TIAM2: variants seen among roughly 807,000 people sequenced by gnomAD.
TIAM2 encodes TIAM Rac1 associated GEF 2, also known as rho guanine nucleotide exchange factor TIAM2.
Under a neutral mutation model 152.9 loss-of-function variants are expected in TIAM2, and 80 were observed. That is an observed-to-expected ratio of 0.52 (90% CI 0.44 to 0.63). TIAM2 has a LOEUF of 0.63. TIAM2 is among the 30% of genes least tolerant of loss of function. The pLI is 0.00. For synonymous variants in TIAM2, 804 were observed against 838.0 expected (o/e 0.96, Z 0.70); for missense variants, 1,965 against 2,120.1 (o/e 0.93, Z 1.44).
chr6:154,997,956 C>T (rs889416876), intron 1 of TIAM2, among the ~76,000 whole-genome samples: 16 of 151,984 alleles, frequency 1.1e-4, no homozygotes, highest in African/African-American at 2.7e-4. Context: ...TTACTTCTCA[C>T]GAACTCTAGA....
At chr6:155,242,214 A>G (rs911780285) in intron 16 of TIAM2, among the ~76,000 whole-genome samples, 4 of 152,242 alleles carry the variant, frequency 2.6e-5, no homozygotes, top group Admixed American at 2.6e-4. Flanking sequence ...AGGCAGCACC[A>G]GCCTGTGAGG....
intron 14 of TIAM2, among the ~76,000 whole-genome samples, chr6:155,202,808 T>A (rs559199017): frequency 1.2e-4 from 17 of 144,540 alleles, no homozygotes; most frequent in African/African-American, 3.6e-4. Flanking sequence ...GAGGCTGAGG[T>A]GGGTGGATCA....
chr6:155,183,559 G>T, intron 14 of TIAM2, 59 bp downstream of exon 14: 2 of 1,525,482 alleles, frequency 1.3e-6, no homozygotes, highest in Admixed American at 2.2e-5. Flanking sequence ...ATATTTTTAG[G>T]CTGTAATTTT....
intron 9 of TIAM2, among the ~76,000 whole-genome samples, chr6:155,168,337 A>C (rs746468555): frequency 6.6e-6 from 1 of 152,098 alleles, no homozygotes; most frequent in Non-Finnish European, 1.5e-5. Flanking sequence ...GGTTAAAAGC[A>C]TATCAAGAAT....
At position 155,134,746 on chromosome 6, in the gene TIAM2, C is replaced by T. The variant is rs536162736; in HGVS notation, c.1195-2431C>T. On this transcript the variant is annotated intron_variant, in intron 4 of 26. Coordinates refer to ENST00000682666, the MANE Select transcript of TIAM2 (RefSeq NM_012454.4). ...TTTGAGACAGAGTCTCGCTCTGTCGCCGAGGCTGGAGTGCAGTGGCGTGAT... is the reference window on the plus strand; with the variant it reads ...TTTGAGACAGAGTCTCGCTCTGTCGTCGAGGCTGGAGTGCAGTGGCGTGAT... 2.0e-5 allele frequency among the ~76,000 whole-genome samples: 3 copies of T among 152,060 alleles called. No individual in the cohort carries two copies. The East Asian group carries it at 5.8e-4, about 30-fold the overall frequency.
chr6:155,182,428 G>T (rs1780925513), intron 13 of TIAM2, 110 bp downstream of exon 13: 1 of 944,460 alleles, frequency 1.1e-6, no homozygotes, highest in East Asian at 2.5e-5. Flanking sequence ...GTTGCTCCTG[G>T]AATTTTAAAG....
intron 14 of TIAM2, among the ~76,000 whole-genome samples, chr6:155,200,055 C>T (rs996150998): frequency 2.6e-5 from 4 of 151,940 alleles, no homozygotes; most frequent in African/African-American, 9.7e-5. Context: ...ATTTTAACTG[C>T]TTTTTTTTCC....
intron 14 of TIAM2, among the ~76,000 whole-genome samples, chr6:155,184,846 A>G (rs1156372820): frequency 2.6e-5 from 4 of 152,218 alleles, no homozygotes; most frequent in Non-Finnish European, 5.9e-5. Flanking sequence ...ATAAAAGTGA[A>G]TGTCATAAAA....
chr6:155,185,121 AC>A (rs1781006631), intron 14 of TIAM2, among the ~76,000 whole-genome samples: 1 of 102,774 alleles, frequency 9.7e-6, no homozygotes, highest in Admixed American at 1.1e-4. Context: ...GGGCAAATTT[AC>A]CTTTTTTTTT....
intron 1 of TIAM2, chr6:155,005,421 C>A (rs1778382767): frequency 6.5e-6 from 1 of 153,670 alleles, no homozygotes; most frequent in South Asian, 2.0e-4. Flanking sequence ...CTCACTGCAA[C>A]CTCCACCTCC....
intron 1 of TIAM2, among the ~76,000 whole-genome samples, chr6:155,082,876 G>A (rs1778098016): frequency 6.6e-6 from 1 of 152,022 alleles, no homozygotes; most frequent in African/African-American, 2.4e-5. Context: ...CTGACAGATG[G>A]TGAGGGATAT....
At chr6:155,183,133 G>A in intron 13 of TIAM2, 104 bp from the exon 14 acceptor site, 5 of 1,420,832 alleles carry the variant, frequency 3.5e-6, no homozygotes, top group Non-Finnish European at 4.8e-6. Flanking sequence ...AAACAAAACA[G>A]TCCCTACGAG....
At chr6:155,249,757 C>T in intron 20 of TIAM2, 94 bp from the exon 21 acceptor site, 1 of 1,059,652 alleles carries the variant, frequency 9.4e-7, no homozygotes, top group Non-Finnish European at 1.4e-6. Context: ...GGTCTGGAAT[C>T]CTGAGTTGAA....
At chr6:155,102,643 C>G (rs1001151778) in intron 2 of TIAM2, among the ~76,000 whole-genome samples, 7 of 152,256 alleles carry the variant, frequency 4.6e-5, no homozygotes, top group East Asian at 1.9e-4. Flanking sequence ...TATATCTTTG[C>G]ATGCATGTGT....
At chr6:155,189,432 G>A (rs544967843) in intron 14 of TIAM2, among the ~76,000 whole-genome samples, 5 of 152,032 alleles carry the variant, frequency 3.3e-5, no homozygotes, top group South Asian at 4.2e-4. Context: ...TCAGAATTAC[G>A]AGTTTGTTTT....
chr6:155,060,919 A>G (rs1020858401), intron 1 of TIAM2, among the ~76,000 whole-genome samples: 8 of 152,220 alleles, frequency 5.3e-5, no homozygotes, highest in Admixed American at 3.3e-4. Context: ...CCAAAACAAA[A>G]TCCCACAAAA....
At position 155,254,729 on chromosome 6, in the gene TIAM2, A is replaced by G. The variant is rs563696308; in HGVS notation, c.4468+156A>G. 14 of 952,324 alleles carry G rather than the reference A, an allele frequency of 1.5e-5. No homozygotes were observed. The East Asian group carries it at 3.5e-4, about 24-fold the overall frequency. The allele number at this position is 952,324 out of a possible 1,614,324, so 59.0% of individuals were successfully genotyped here. On this transcript the variant is annotated intron_variant, in intron 26 of 26. Coordinates refer to ENST00000682666, the MANE Select transcript of TIAM2 (RefSeq NM_012454.4). ...AAACCTAAACATGCCTCTTGCTCCCAGACGTTCTACTGTAAAATACAGCCA... is the reference window on the plus strand; with the variant it reads ...AAACCTAAACATGCCTCTTGCTCCCGGACGTTCTACTGTAAAATACAGCCA...
At position 155,137,332 on chromosome 6, in the gene TIAM2, C is replaced by T; in HGVS notation, c.1350C>T (p.Gly450=). ...GAAGTGAATCCACACATGCGATTGG[C>T]AGCGATCCCCTCCGGCAGAACATTT... ...SQRSESTHAI[G]SDPLRQNIYE... is the part of the protein sequence containing the mutation. The change falls in exon 5 of 27, where the codon GGC becomes GGT. Residue 450 remains glycine (G), a synonymous_variant. Coordinates refer to ENST00000682666, the MANE Select transcript of TIAM2 (RefSeq NM_012454.4). 3 of 1,614,200 alleles carry T rather than the reference C, an allele frequency of 1.9e-6. No individual in the cohort carries two copies. The Admixed American group carries it at 5.0e-5, about 27-fold the overall frequency.
chr6:154,996,005 C>A (rs1045974960), intron 1 of TIAM2, among the ~76,000 whole-genome samples: 1 of 152,082 alleles, frequency 6.6e-6, no homozygotes, highest in Admixed American at 6.5e-5. Flanking sequence ...GTAGACCGTG[C>A]GGTCCCTGCT....
Sources: gnomAD v4.1 joint callset for allele counts (sites outside exome capture counted in the v4.1 genomes callset) on GRCh38, gnomAD v4.1.1 for gene constraint, MANE v1.5 for transcripts, NCBI Gene and HGNC (gene_info 2026-07-23, HGNC 2026-07-21) for gene names.